Variants in PPARG observed in about 807,000 individuals in gnomAD.
PPARG encodes the protein peroxisome proliferator-activated receptor gamma.
Under a neutral mutation model 39.2 loss-of-function variants are expected in PPARG, and 17 were observed. The observed-to-expected ratio is 0.43, with a 90% confidence interval of 0.30 to 0.65. The LOEUF is 0.65. PPARG is among the 30% of genes least tolerant of loss of function. The pLI is 0.13. For synonymous variants in PPARG, 223 were observed against 215.7 expected (o/e 1.03, Z -0.30); for missense variants, 406 against 585.9 (o/e 0.69, Z 3.17).
At chr3:12,351,131 T>C (rs749933461) in intron 2 of PPARG, among the ~76,000 whole-genome samples, 2 of 152,220 alleles carry the variant, frequency 1.3e-5, no homozygotes, top group Non-Finnish European at 2.9e-5. Flanking sequence ...AAATAAGCTT[T>C]CTGGTATTTC....
At chr3:12,420,512 T>C (rs1330111003) in intron 7 of PPARG, among the ~76,000 whole-genome samples, 1 of 152,238 alleles carries the variant, frequency 6.6e-6, no homozygotes, top group East Asian at 1.9e-4. Flanking sequence ...GGGGATCCAG[T>C]TGGCCTCATT....
intron 5 of PPARG, among the ~76,000 whole-genome samples, chr3:12,401,936 C>A (rs543175434): frequency 2.0e-5 from 3 of 152,250 alleles, no homozygotes; most frequent in Admixed American, 6.5e-5. Context: ...TATCCTAATT[C>A]TAAAATGGTT....
intron 2 of PPARG, among the ~76,000 whole-genome samples, chr3:12,375,132 T>C (rs1195722145): frequency 6.6e-6 from 1 of 152,078 alleles, no homozygotes; most frequent in Non-Finnish European, 1.5e-5. Context: ...CACGCCTATA[T>C]TCCCGGAAGT....
At chr3:12,376,239 G>A (rs1416882614) in intron 2 of PPARG, among the ~76,000 whole-genome samples, 3 of 152,128 alleles carry the variant, frequency 2.0e-5, no homozygotes, top group East Asian at 1.9e-4. Flanking sequence ...GTGAGCCACC[G>A]CACCCGGCCT....
intron 1 of PPARG, among the ~76,000 whole-genome samples, chr3:12,299,163 A>C (rs986564494): frequency 5.3e-5 from 8 of 152,176 alleles, no homozygotes; most frequent in Admixed American, 1.3e-4. Context: ...AGATTTATTC[A>C]ACAAATGTCT....
chr3:12,334,757 A>G (rs772219151), intron 2 of PPARG, among the ~76,000 whole-genome samples: 2 of 152,192 alleles, frequency 1.3e-5, no homozygotes, highest in Non-Finnish European at 2.9e-5. Context: ...CCTGTCCTGC[A>G]TTGTTCCAGT....
At chr3:12,321,754 G>T (rs1296673685) in intron 2 of PPARG, among the ~76,000 whole-genome samples, 1 of 152,162 alleles carries the variant, frequency 6.6e-6, no homozygotes, top group African/African-American at 2.4e-5. Context: ...ACACCAGGCT[G>T]CTCAGTGTCC....
At chr3:12,298,870 C>G (rs944998006) in intron 1 of PPARG, among the ~76,000 whole-genome samples, 5 of 152,190 alleles carry the variant, frequency 3.3e-5, no homozygotes, top group Non-Finnish European at 5.9e-5. Flanking sequence ...GGGTCTCACT[C>G]TGTCACCCAG....
intron 6 of PPARG, among the ~76,000 whole-genome samples, chr3:12,408,567 C>CTTTTTTTTTTTT (rs397945616): frequency 7.1e-5 from 8 of 113,268 alleles, no homozygotes; most frequent in African/African-American, 2.9e-4. Context: ...CTTTTCTTTT[C>CTTTTTTTTTTTT]TTTTTTTTTT....
At position 12,351,507 on chromosome 3, in the gene PPARG, G is replaced by A. The variant is rs147773244; in HGVS notation, c.-8-28197G>A. 6.1e-5 allele frequency: 64 copies of A among 1,046,294 alleles called. No individual in the cohort carries two copies. The African/African-American group carries it at 9.2e-4, about 15-fold the overall frequency. 64.8% of individuals were successfully genotyped at this position (1,046,294 alleles called of 1,614,324 possible). A position where few individuals can be genotyped will look rare whatever the true frequency, so the allele number is the denominator to read the frequency against. On this transcript the variant is annotated intron_variant, in intron 2 of 7. Transcript: ENST00000651735. ...GTATTCACAAATTCTGTTACTTCAAGTCTTTTTCTTTTAACGGATTGATCT... is the reference window on the plus strand; with the variant it reads ...GTATTCACAAATTCTGTTACTTCAAATCTTTTTCTTTTAACGGATTGATCT...
chr3:12,305,108 G>A (rs778569460), intron 1 of PPARG, among the ~76,000 whole-genome samples: 1 of 148,666 alleles, frequency 6.7e-6, no homozygotes, highest in African/African-American at 2.5e-5. Flanking sequence ...CCCCTTTTTC[G>A]TTCCTGGTGT....
At chr3:12,360,203 G>A (rs1247768088) in intron 2 of PPARG, among the ~76,000 whole-genome samples, 2 of 151,872 alleles carry the variant, frequency 1.3e-5, no homozygotes, top group Non-Finnish European at 2.9e-5. Context: ...ATAGAGACAC[G>A]GTCTGGCTAT....
chr3:12,377,406 A>T (rs964101245), intron 2 of PPARG, among the ~76,000 whole-genome samples: 2 of 152,142 alleles, frequency 1.3e-5, no homozygotes, highest in African/African-American at 4.8e-5. Flanking sequence ...TAACCTTTCT[A>T]TTCTCAATGT....
At chr3:12,396,685 G>C (rs756247394) in intron 5 of PPARG, among the ~76,000 whole-genome samples, 4 of 151,562 alleles carry the variant, frequency 2.6e-5, no homozygotes, top group South Asian at 2.1e-4. Context: ...TTTAGCCCAG[G>C]GGGTGGAAGT....
intron 1 of PPARG, among the ~76,000 whole-genome samples, chr3:12,296,580 A>C (rs2046792416): frequency 6.6e-6 from 1 of 152,110 alleles, no homozygotes; most frequent in Non-Finnish European, 1.5e-5. Context: ...CACTCATAGG[A>C]TCTCTTGGAA....
chr3:12,392,615 G>T lies in PPARG; in HGVS notation c.392G>T (p.Gly131Val), dbSNP rs1553645235. The T allele has an allele frequency of 6.2e-7, 1 of 1,613,728 alleles. No homozygotes were observed. The highest frequency in any genetic ancestry group is 8.5e-7 in the Non-Finnish European group (1 of 1,179,780). The change falls in exon 5 of 8, where the codon GGT becomes GTT. Residue 131 changes from glycine (G) to valine (V), a missense_variant and splice_region_variant. Physicochemically the swap from Gly to Val is moderately radical, Grantham distance 109. Coordinates refer to ENST00000651735, the MANE Select transcript of PPARG (RefSeq NM_138711.6). ...TGCTTCTTTTTTATCCCTTTGCAGG[G>T]TTTCTTCCGGAGAACAATCAGATTG... ...YGVHACEGCKGFFRRTIRLKL... is the reference protein window; with the variant it reads ...YGVHACEGCKVFFRRTIRLKL...
intron 4 of PPARG, 28 bp from the exon 5 acceptor site, chr3:12,392,586 A>G (rs1348575894): frequency 6.2e-7 from 1 of 1,613,158 alleles, no homozygotes; most frequent in Non-Finnish European, 8.5e-7. Flanking sequence ...AAAGACTTAA[A>G]ATTTGCTTCT....
At position 12,392,751 on chromosome 3, in the gene PPARG, T is replaced by C; in HGVS notation, c.528T>C (p.Asn176=). Residue 176 remains asparagine (N), a splice_region_variant and synonymous_variant, in exon 5 of 8, where the codon AAT becomes AAC. Coordinates refer to ENST00000651735, the MANE Select transcript of PPARG (RefSeq NM_138711.6). Reference sequence around the variant, plus strand: ...GCCTTGCAGTGGGGATGTCTCATAATGGTAAGTAAACAGTCATCACCATAT... The same window carrying C: ...GCCTTGCAGTGGGGATGTCTCATAACGGTAAGTAAACAGTCATCACCATAT... ...QKCLAVGMSH[N]AIRFGRMPQA... 2.5e-6 allele frequency: 4 copies of C among 1,613,714 alleles called. No homozygotes were observed. The highest frequency in any genetic ancestry group is 3.4e-6 in the Non-Finnish European group (4 of 1,179,724).
intron 2 of PPARG, among the ~76,000 whole-genome samples, chr3:12,322,055 A>G (rs1457785170): frequency 6.6e-6 from 1 of 152,266 alleles, no homozygotes; most frequent in African/African-American, 2.4e-5. Context: ...TTGAATTAAG[A>G]AAAGAATTTC....
Sources: allele counts gnomAD v4.1 joint callset (sites outside exome capture counted in the v4.1 genomes callset), GRCh38; gene constraint gnomAD v4.1.1; transcripts MANE v1.5; gene names NCBI Gene and HGNC (gene_info 2026-07-23, HGNC 2026-07-21).